Variants in GALNTL6 observed in about 807,000 individuals in gnomAD.
The protein encoded by GALNTL6 is polypeptide N-acetylgalactosaminyltransferase like 6.
GALNTL6 carries 46 observed loss-of-function variants against 73.7 expected under a neutral mutation model. That is an observed-to-expected ratio of 0.62 (90% CI 0.49 to 0.80). GALNTL6 has a LOEUF of 0.80. Ranked by LOEUF, GALNTL6 falls within the 30% of genes least tolerant of loss-of-function variation. The pLI is 0.00. For synonymous variants in GALNTL6, 259 were observed against 263.7 expected (o/e 0.98, Z 0.17); for missense variants, 604 against 755.0 (o/e 0.80, Z 2.34).
In GALNTL6 at chr4:172,771,957, T is replaced by C. The variant is rs143699773; in HGVS notation, c.554-37404T>C. Among the ~76,000 whole-genome samples, 122 of 152,120 alleles carry C rather than the reference T, an allele frequency of 8.0e-4. 1 individual carries two copies. The South Asian group carries it at 0.016, about 20-fold the overall frequency. On this transcript the variant is annotated intron_variant, in intron 5 of 12. Coordinates refer to ENST00000506823, the MANE Select transcript of GALNTL6 (RefSeq NM_001034845.3). ...GCTGCTGATAAAGACATACCCGAGA[T>C]TGGGCAATTTACAGAAGAAGGAGCT...
intron 5 of GALNTL6, among the ~76,000 whole-genome samples, chr4:172,377,095 G>A (rs1426625566): frequency 6.6e-6 from 1 of 152,134 alleles, no homozygotes; most frequent in African/African-American, 2.4e-5. Flanking sequence ...GGCTCGGGCA[G>A]CCTGCGTTTA....
chr4:172,978,989 T>C (rs1750958246), intron 10 of GALNTL6, among the ~76,000 whole-genome samples: 1 of 152,250 alleles, frequency 6.6e-6, no homozygotes, highest in African/African-American at 2.4e-5. Context: ...ATAGAGTTTG[T>C]TGAGGATTAA....
At chr4:172,372,063 G>A (rs1358684300) in intron 5 of GALNTL6, among the ~76,000 whole-genome samples, 3 of 152,150 alleles carry the variant, frequency 2.0e-5, no homozygotes, top group East Asian at 1.9e-4. Context: ...CTAACTGGGC[G>A]CTGGTCCCTG....
chr4:172,145,846 T>C (rs186310502), intron 2 of GALNTL6, among the ~76,000 whole-genome samples: 1 of 152,190 alleles, frequency 6.6e-6, no homozygotes, highest in African/African-American at 2.4e-5. Context: ...ACAAAATTAA[T>C]AGAAGTTTTA....
At chr4:172,430,079 A>G (rs189154732) in intron 5 of GALNTL6, among the ~76,000 whole-genome samples, 54 of 150,882 alleles carry the variant, frequency 3.6e-4, no homozygotes, top group Admixed American at 6.6e-4. Flanking sequence ...ATGTGTGTGT[A>G]TATATATATA....
chr4:171,843,673 T>C (rs774747818), intron 2 of GALNTL6, among the ~76,000 whole-genome samples: 5 of 152,100 alleles, frequency 3.3e-5, no homozygotes, highest in Non-Finnish European at 7.4e-5. Flanking sequence ...ATGTGTAATA[T>C]ATTTGGTGCT....
chr4:172,430,277 G>A (rs1731395007), intron 5 of GALNTL6, among the ~76,000 whole-genome samples: 1 of 152,078 alleles, frequency 6.6e-6, no homozygotes, highest in African/African-American at 2.4e-5. Flanking sequence ...GTGGAGAGGG[G>A]GGTAGGAGGA....
At chr4:172,344,932 T>C (rs1458579624) in intron 4 of GALNTL6, among the ~76,000 whole-genome samples, 2 of 152,180 alleles carry the variant, frequency 1.3e-5, no homozygotes, top group Non-Finnish European at 2.9e-5. Flanking sequence ...CCACGTCTTC[T>C]TCCACAGAGG....
chr4:172,850,537 T>A (rs1743759297), intron 7 of GALNTL6, among the ~76,000 whole-genome samples: 1 of 152,134 alleles, frequency 6.6e-6, no homozygotes, highest in Non-Finnish European at 1.5e-5. Context: ...TATACGGGAA[T>A]TTCTCCTCAC....
rs149790338 is a variant in GALNTL6 at position 172,522,755 on chromosome 4, C to A, written c.553+174066C>A. 8.3e-4 allele frequency among the ~76,000 whole-genome samples: 124 copies of A among 149,232 alleles called. 4 individuals carry two copies. In the South Asian group the frequency reaches 0.018, roughly 22 times the overall value. ...TTCATTCAATGTTGATTTATTACCA[C>A]GCCATTTGTCATTTAAAAGGTGTTT... is the stretch of plus-strand genomic sequence containing the variant. On this transcript the variant is annotated intron_variant, in intron 5 of 12. Transcript: ENST00000506823.
At chr4:172,134,978 G>A (rs1338676618) in intron 2 of GALNTL6, among the ~76,000 whole-genome samples, 1 of 152,054 alleles carries the variant, frequency 6.6e-6, no homozygotes, top group African/African-American at 2.4e-5. Context: ...CTACAAAGAG[G>A]GCTGGACAAT....
intron 5 of GALNTL6, among the ~76,000 whole-genome samples, chr4:172,640,680 A>G (rs913362067): frequency 6.6e-6 from 1 of 152,064 alleles, no homozygotes; most frequent in African/African-American, 2.4e-5. Context: ...TCTTCAAAGA[A>G]CAAATCAGAT....
At chr4:172,215,784 A>G (rs1330158827) in intron 2 of GALNTL6, among the ~76,000 whole-genome samples, 1 of 152,016 alleles carries the variant, frequency 6.6e-6, no homozygotes, top group East Asian at 1.9e-4. Flanking sequence ...TTGCTTCTTT[A>G]ATCTCCTCTT....
At chr4:172,885,229 C>T (rs1275868111) in intron 8 of GALNTL6, among the ~76,000 whole-genome samples, 1 of 151,938 alleles carries the variant, frequency 6.6e-6, no homozygotes, top group Non-Finnish European at 1.5e-5. Context: ...GATATTTTAA[C>T]AGTATTAGTT....
intron 2 of GALNTL6, among the ~76,000 whole-genome samples, chr4:171,883,690 C>T (rs1298398208): frequency 1.3e-4 from 20 of 151,882 alleles, no homozygotes; most frequent in African/African-American, 4.8e-5. Context: ...CTCTGTCGCC[C>T]AGGCTGGACT....
At chr4:172,712,498 CTT>C (rs991517668) in intron 5 of GALNTL6, among the ~76,000 whole-genome samples, 3 of 152,014 alleles carry the variant, frequency 2.0e-5, no homozygotes, top group African/African-American at 7.2e-5. Context: ...ATTTACCATT[CTT>C]TTTACATTAA....
chr4:172,103,548 T>A (rs72990342), intron 2 of GALNTL6, among the ~76,000 whole-genome samples: 1,768 of 152,308 alleles, frequency 0.012, 38 homozygotes, highest in African/African-American at 0.039. Flanking sequence ...ATTACAGCAA[T>A]TTAAGATATA....
intron 2 of GALNTL6, among the ~76,000 whole-genome samples, chr4:171,921,918 T>C (rs888538680): frequency 6.6e-6 from 1 of 152,052 alleles, no homozygotes; most frequent in Non-Finnish European, 1.5e-5. Context: ...AAATAAAATA[T>C]ATATTATGTT....
chr4:172,006,931 G>T (rs79793101), intron 2 of GALNTL6, among the ~76,000 whole-genome samples: 3,625 of 152,206 alleles, frequency 0.024, 162 homozygotes, highest in African/African-American at 0.081. Context: ...CAAGAAAGTA[G>T]ATGAAATGTT....
Sources: gnomAD v4.1 joint callset for allele counts (sites outside exome capture counted in the v4.1 genomes callset) on GRCh38, gnomAD v4.1.1 for gene constraint, MANE v1.5 for transcripts, NCBI Gene and HGNC (gene_info 2026-07-23, HGNC 2026-07-21) for gene names.